Variants in RREB1 observed in about 807,000 individuals in gnomAD.
The protein encoded by RREB1 is ras responsive element binding protein 1, also known as ras-responsive element-binding protein 1.
RREB1 carries 27 observed loss-of-function variants against 117.8 expected under a neutral mutation model. That is an observed-to-expected ratio of 0.23 (90% CI 0.17 to 0.32). RREB1 has a LOEUF of 0.32. Ranked by LOEUF, RREB1 falls within the 10% of genes least tolerant of loss-of-function variation. RREB1 has a pLI of 1.00. For synonymous variants in RREB1, 1,298 were observed against 1,026.7 expected, an observed-to-expected ratio of 1.26 and a Z score of -5.05; for missense variants, 2,577 against 2,378.2, an observed-to-expected ratio of 1.08 and a Z score of -1.74.
rs1195550228 is a variant in RREB1, at chr6:7,251,446, A to G, written c.*2478A>G. ...AGGGCTTTTACAAAAAAATATATAT[A>G]TATGGATCTTCTGAAAAGTTTTTTG... On this transcript the variant is annotated 3_prime_UTR_variant, in exon 13 of 13. Transcript: ENST00000379938. 2.7e-5 allele frequency: 4 copies of G among 146,598 alleles called. No homozygotes were observed. The highest frequency in any genetic ancestry group is 1.0e-4 in the African/African-American group (4 of 39,494). 9.1% of individuals were successfully genotyped at this position (146,598 alleles called of 1,614,324 possible). A position where few individuals can be genotyped will look rare whatever the true frequency, so the allele number is the denominator to read the frequency against.
intron 1 of RREB1, among the ~76,000 whole-genome samples, chr6:7,175,195 G>A (rs897276814): frequency 2.6e-5 from 4 of 152,212 alleles, no homozygotes; most frequent in East Asian, 1.9e-4. Flanking sequence ...AAAACTCCAC[G>A]GGTATTTTTC....
In RREB1 at chr6:7,228,930, C is replaced by A. The variant is rs894589488; in HGVS notation, c.898-67C>A. 1.5e-5 allele frequency: 20 copies of A among 1,371,836 alleles called. No individual in the cohort carries two copies. In the East Asian group the frequency reaches 4.3e-4, roughly 30 times the overall value. The allele number at this position is 1,371,836 out of a possible 1,614,324, so 85.0% of individuals were successfully genotyped here. ...TGTACAACAAATACTTTGTGCATCT[C>A]CGTTTAGTGATTATTTTTTCAATCT... On this transcript the variant is annotated intron_variant, in intron 9 of 12. Coordinates refer to ENST00000379938, the MANE Select transcript of RREB1 (RefSeq NM_001003699.4).
intron 10 of RREB1, among the ~76,000 whole-genome samples, chr6:7,239,921 G>T (rs1309708389): frequency 2.0e-5 from 3 of 152,210 alleles, no homozygotes; most frequent in African/African-American, 7.2e-5. Flanking sequence ...AGCCACCAAG[G>T]CCAGGAAGGG....
intron 1 of RREB1, among the ~76,000 whole-genome samples, chr6:7,136,273 G>A (rs1028372584): frequency 2.6e-5 from 4 of 152,126 alleles, no homozygotes; most frequent in Non-Finnish European, 4.4e-5. Context: ...AGTAATGCCC[G>A]TATTTTAAAA....
Position 7,229,863 on chromosome 6 carries a change from C to T in RREB1, c.1764C>T (p.Gly588=), listed in dbSNP as rs1767817966. The T allele has an allele frequency of 2.5e-6, 4 of 1,610,532 alleles. No individual in the cohort carries two copies. In the South Asian group the frequency reaches 4.4e-5, roughly 18 times the overall value. Residue 588 remains glycine, a synonymous_variant, in exon 10 of 13, where the codon GGC becomes GGT. Transcript: ENST00000379938. This position sits in a 1 kb window ranked among gnomAD's most constrained non-coding sequence, Gnocchi z 4.5. ...SLQQPRAELP[G]QPEMKTQLEQ... ...AGCAGCCGCGGGCGGAGCTGCCGGG[C>T]CAGCCTGAGATGAAGACGCAGCTGG...
At chr6:7,187,707 A>G in intron 5 of RREB1, 184 bp downstream of exon 5, 1 of 303,904 alleles carries the variant, frequency 3.3e-6, no homozygotes, top group Non-Finnish European at 5.8e-6. Context: ...GATCTAAATT[A>G]TTCTTCCTTA....
intron 1 of RREB1, among the ~76,000 whole-genome samples, chr6:7,119,237 A>C (rs941474602): frequency 1.3e-5 from 2 of 151,896 alleles, no homozygotes; most frequent in Non-Finnish European, 2.9e-5. Context: ...TGTAATCCCA[A>C]CTACTCAGGA....
At chr6:7,221,207 GCCGGA>G (rs1408558033) in intron 8 of RREB1, among the ~76,000 whole-genome samples, 2 of 151,816 alleles carry the variant, frequency 1.3e-5, no homozygotes, top group Non-Finnish European at 2.9e-5. Flanking sequence ...TGTCGCCCAG[GCCGGA>G]CTGCGGACTG....
At chr6:7,164,138 A>T (rs1400058229) in intron 1 of RREB1, among the ~76,000 whole-genome samples, 1 of 152,144 alleles carries the variant, frequency 6.6e-6, no homozygotes, top group Non-Finnish European at 1.5e-5. Context: ...ATCTAGACTC[A>T]TAAAAAAAAA....
At chr6:7,148,640 C>T (rs75753195) in intron 1 of RREB1, among the ~76,000 whole-genome samples, 4,740 of 152,092 alleles carry the variant, frequency 0.031, 202 homozygotes, top group African/African-American at 0.091. Flanking sequence ...CTGAATTAAT[C>T]ATACATTGAT....
At chr6:7,152,812 G>A (rs1205455871) in intron 1 of RREB1, among the ~76,000 whole-genome samples, 1 of 152,142 alleles carries the variant, frequency 6.6e-6, no homozygotes, top group Non-Finnish European at 1.5e-5. Context: ...TTGTTCCAGT[G>A]CTCTCTGTAG....
In RREB1 at chr6:7,231,123, G is replaced by A. The variant is rs1442361850; in HGVS notation, c.3024G>A (p.Leu1008=). 7 of 1,612,730 alleles carry A rather than the reference G, an allele frequency of 4.3e-6. No homozygotes were observed. The highest frequency in any genetic ancestry group is 1.7e-5 in the Admixed American group (1 of 60,010). Residue 1008 remains leucine, a synonymous_variant, in exon 10 of 13, where the codon CTG becomes CTA. Coordinates refer to ENST00000379938, the MANE Select transcript of RREB1 (RefSeq NM_001003699.4). ...CCCCGGAACCCCCAGCACAGCCCCT[G>A]CAGGGCCCTGTTCAGCTGGCGGTCC... ...AATPEPPAQP[L]QGPVQLAVPI... is the part of the protein sequence containing the mutation.
At chr6:7,120,521 C>T (rs376578304) in intron 1 of RREB1, among the ~76,000 whole-genome samples, 64 of 152,232 alleles carry the variant, frequency 4.2e-4, no homozygotes, top group African/African-American at 1.3e-3. Context: ...GAGAAACAGA[C>T]GTTATGTTCT....
chr6:7,206,907 T>G (rs1213346586), intron 6 of RREB1, among the ~76,000 whole-genome samples: 1 of 152,178 alleles, frequency 6.6e-6, no homozygotes, highest in Non-Finnish European at 1.5e-5. Context: ...AGCTTTGGGA[T>G]GGAAGAGGGC....
At chr6:7,226,698 C>T in intron 9 of RREB1, 42 bp downstream of exon 9, 2 of 1,492,482 alleles carry the variant, frequency 1.3e-6, no homozygotes, top group Non-Finnish European at 1.9e-6. Flanking sequence ...AACTGCCTTC[C>T]ATGGTCCACA....
At chr6:7,145,962 C>A (rs1289860045) in intron 1 of RREB1, among the ~76,000 whole-genome samples, 1 of 132,038 alleles carries the variant, frequency 7.6e-6, no homozygotes, top group Non-Finnish European at 1.6e-5. Flanking sequence ...AAAGCCAGTG[C>A]CTTCCTCTCT....
rs139398561 is a variant in RREB1 at position 7,229,967 on chromosome 6, T to G, written c.1868T>G (p.Leu623Arg). The change falls in exon 10 of 13, where the codon CTC (leucine) becomes CGC (arginine). Residue 623 changes from leucine to arginine, a missense_variant. Transcript: ENST00000379938. The surrounding 1 kb of genome is among the most constrained non-coding windows in gnomAD (Gnocchi z 4.5). ...AAGCAGGAGATCACAGAGGGGGAAC[T>G]CAAGGCCTTCATGACAGCGCCCGGC... ...KIKQEITEGE[L>R]KAFMTAPGGK... 1.2e-6 allele frequency: 2 copies of G among 1,605,046 alleles called. No homozygotes were observed. The highest frequency in any genetic ancestry group is 2.7e-5 in the African/African-American group (2 of 74,622).
Position 7,181,185 on chromosome 6 carries a change from G to T in RREB1, c.-104G>T, listed in dbSNP as rs772103142. 2.5e-6 allele frequency: 1 copy of T among 398,574 alleles called. No homozygotes were observed. The highest frequency in any genetic ancestry group is 4.4e-6 in the Non-Finnish European group (1 of 226,136). The allele number at this position is 398,574 out of a possible 1,614,324, so 24.7% of individuals were successfully genotyped here. ...TCAACACAGACTCATTTTCTACTCC[G>T]TGTGAATGATAGCTACAGCAGGGGA... On this transcript the variant is annotated 5_prime_UTR_variant, in exon 3 of 13. Coordinates refer to ENST00000379938, the MANE Select transcript of RREB1 (RefSeq NM_001003699.4).
intron 1 of RREB1, among the ~76,000 whole-genome samples, chr6:7,143,938 AC>A (rs1345735072): frequency 7.4e-6 from 1 of 134,370 alleles, no homozygotes; most frequent in Non-Finnish European, 1.6e-5. Context: ...GACCCAACTT[AC>A]ATTTTTTCAA....
Sources: gnomAD v4.1 joint callset for allele counts (sites outside exome capture counted in the v4.1 genomes callset) on GRCh38, gnomAD v4.1.1 for gene constraint, Gnocchi (gnomAD v3.1) non-coding constraint, MANE v1.5 for transcripts, NCBI Gene and HGNC (gene_info 2026-07-23, HGNC 2026-07-21) for gene names.